Variants in ZNF544 observed in about 807,000 individuals in gnomAD.
ZNF544 encodes the protein zinc finger protein 544, also known as zinc finger protein AF020591.
Under a neutral mutation model 13.5 loss-of-function variants are expected in ZNF544, and 10 were observed. The observed-to-expected ratio is 0.74, with a 90% CI of 0.46 to 1.25. The LOEUF (loss-of-function observed/expected upper bound fraction) is 1.25, where lower values mean the gene tolerates loss of function less well. Ranked by LOEUF, ZNF544 falls within the 50% of genes most tolerant of loss-of-function variation. ZNF544 has a pLI of 0.00. For missense variants in ZNF544, 896 were observed against 845.6 expected, an observed-to-expected ratio of 1.06 and a Z score of -0.74; for synonymous variants, 323 against 300.5, an observed-to-expected ratio of 1.07 and a Z score of -0.77.
Position 58,246,399 on chromosome 19 carries a change from G to A in ZNF544, c.132G>A (p.Leu44=). 1 of 1,614,050 alleles carries A rather than the reference G, an allele frequency of 6.2e-7. No individual in the cohort carries two copies. The highest frequency in any genetic ancestry group is 1.1e-5 in the South Asian group (1 of 91,074). Residue 44 remains leucine, a synonymous_variant, in exon 5 of 7, where the codon CTG becomes CTA. Coordinates refer to ENST00000687789, the MANE Select transcript of ZNF544 (RefSeq NM_014480.4). Reference sequence around the variant, plus strand: ...GGACACTGTACCGAGAGGTGACACTGGAGACCTGGGAGCATATTGTCTCCC... The same window carrying A: ...GGACACTGTACCGAGAGGTGACACTAGAGACCTGGGAGCATATTGTCTCCC... ...AQRTLYREVT[L]ETWEHIVSLG... is the part of the protein sequence containing the mutation.
chr19:58,273,120 G>A (rs2050839924), intron 5 of ZNF544, among the ~76,000 whole-genome samples: 1 of 151,600 alleles, frequency 6.6e-6, no homozygotes, highest in Non-Finnish European at 1.5e-5. Flanking sequence ...GGCGGAGGTT[G>A]CAGTAAGCCA....
Position 58,276,513 on chromosome 19 carries a change from G to C in ZNF544, c.351+84G>C, listed in dbSNP as rs1176032492. 5.6e-6 allele frequency: 5 copies of C among 892,664 alleles called. No individual in the cohort carries two copies. In the Admixed American group the frequency reaches 2.2e-4, roughly 39 times the overall value. 55.3% of individuals were successfully genotyped at this position (892,664 alleles called of 1,614,324 possible). A position where few individuals can be genotyped will look rare whatever the true frequency, so the allele number is the denominator to read the frequency against. ...GATGGAGTCTCACTCTGTCGCCCAG[G>C]CTGGAGTGCAGTGGCGCAATCTCAG... On this transcript the variant is annotated intron_variant, in intron 6 of 6. Coordinates refer to the ZNF544 transcript ENST00000595981.
intron 5 of ZNF544, among the ~76,000 whole-genome samples, chr19:58,271,577 A>G (rs2050643796): frequency 6.6e-6 from 1 of 152,168 alleles, no homozygotes; most frequent in East Asian, 1.9e-4. Flanking sequence ...ACTCCAGCCT[A>G]TGTGACAGTG....
At position 58,250,714 on chromosome 19, in the gene ZNF544, C is replaced by T. The variant is rs141639272; in HGVS notation, c.244+3920C>T. Reference sequence around the variant, plus strand: ...CAAATGGGTTTCTGTGGGATGCAACCCCAGAAAGGGTACTCTGATAGTACT... The same window carrying T: ...CAAATGGGTTTCTGTGGGATGCAACTCCAGAAAGGGTACTCTGATAGTACT... On this transcript the variant is annotated intron_variant, in intron 6 of 6. Coordinates refer to ENST00000687789, the MANE Select transcript of ZNF544 (RefSeq NM_014480.4). Among the ~76,000 whole-genome samples the T allele has an allele frequency of 3.0e-4, 46 of 152,218 alleles. No individual in the cohort carries two copies. The East Asian group carries it at 8.7e-3, about 29-fold the overall frequency.
chr19:58,277,410 G>C, exon 7 of ZNF544: 1 of 444,502 alleles, frequency 2.2e-6, no homozygotes, highest in Non-Finnish European at 3.7e-6. Context: ...TACACCATCA[G>C]CCCCATGGGG....
downstream of ZNF544, among the ~76,000 whole-genome samples, chr19:58,264,401 A>G (rs1050707062): frequency 2.1e-4 from 32 of 149,224 alleles, no homozygotes; most frequent in East Asian, 8.1e-4. Flanking sequence ...AAAAAAAAAA[A>G]AGGACTCTGG....
At chr19:58,249,804 T>C (rs2046000522) in intron 6 of ZNF544, among the ~76,000 whole-genome samples, 1 of 152,224 alleles carries the variant, frequency 6.6e-6, no homozygotes, top group South Asian at 2.1e-4. Flanking sequence ...ATGGTGATGA[T>C]ACTTTGGCCA....
chr19:58,251,199 G>A, intron 6 of ZNF544: 1 of 395,292 alleles, frequency 2.5e-6, no homozygotes. Flanking sequence ...CAATTAAATT[G>A]TAGAAGTATA....
At chr19:58,252,043 A>G (rs2046374380) in intron 6 of ZNF544, among the ~76,000 whole-genome samples, 1 of 152,210 alleles carries the variant, frequency 6.6e-6, no homozygotes, top group Admixed American at 6.5e-5. Flanking sequence ...CTGGTAGGGT[A>G]CACTTCAACC....
At chr19:58,256,874 CTAGGTGA>C (rs2047544790) in intron 6 of ZNF544, among the ~76,000 whole-genome samples, 3 of 152,104 alleles carry the variant, frequency 2.0e-5, no homozygotes, top group African/African-American at 7.2e-5. Context: ...AGAAGCAAGG[CTAGGTGA>C]TTAAAGAGAC....
chr19:58,262,713 C>G lies in ZNF544; in HGVS notation c.2107C>G (p.Leu703Val), dbSNP rs1568505248. 1.2e-6 allele frequency: 2 copies of G among 1,610,206 alleles called. No homozygotes were observed. Among genetic ancestry groups the G allele is most frequent in the Admixed American group, 1.7e-5 (1 of 59,822 alleles). ...CGKSFRQQSQ[L>V]VVHRRTHTGE... ...GAAATCCTTCCGGCAGCAATCTCAA[C>G]TTGTAGTGCATCGGCGGACACATAC... Residue 703 changes from leucine to valine, a missense_variant, in exon 7 of 7, where the codon CTT (leucine) becomes GTT (valine). Coordinates refer to ENST00000687789, the MANE Select transcript of ZNF544 (RefSeq NM_014480.4).
At chr19:58,240,196 C>G (rs1465131624) in intron 3 of ZNF544, among the ~76,000 whole-genome samples, 1 of 152,086 alleles carries the variant, frequency 6.6e-6, no homozygotes, top group Non-Finnish European at 1.5e-5. Flanking sequence ...GACATTTTAA[C>G]AGGCGGGATA....
intron 6 of ZNF544, chr19:58,260,641 C>G (rs565481519): frequency 3.8e-6 from 2 of 519,900 alleles, no homozygotes; most frequent in Admixed American, 7.3e-5. Context: ...TTAGTCACTT[C>G]TTTATTATGT....
At chr19:58,230,181 C>T (rs1162739344) in intron 2 of ZNF544, 1 of 152,292 alleles carries the variant, frequency 6.6e-6, no homozygotes, top group Non-Finnish European at 1.5e-5. Context: ...AAGCAACTCC[C>T]TCCCCAGCCC....
At chr19:58,244,619 A>G (rs1224378197) in intron 4 of ZNF544, among the ~76,000 whole-genome samples, 1 of 152,116 alleles carries the variant, frequency 6.6e-6, no homozygotes, top group Non-Finnish European at 1.5e-5. Context: ...TCTATTGCCC[A>G]GGCTGGAGTG....
At chr19:58,265,323 TCTCA>T, downstream of ZNF544, among the ~76,000 whole-genome samples, 1 of 149,920 alleles carries the variant, frequency 6.7e-6, no homozygotes, top group African/African-American at 2.5e-5. Flanking sequence ...TTTAAGACAG[TCTCA>T]CTCTGTTGCC....
intron 3 of ZNF544, among the ~76,000 whole-genome samples, chr19:58,241,187 T>TAATATATATATATATATATA (rs1425417671): frequency 3.9e-5 from 2 of 50,680 alleles, no homozygotes; most frequent in Non-Finnish European, 4.4e-5. Context: ...ATATTTTTTT[T>TAATATATATATATATATATA]TTTTTGTAGA....
rs1245867398 is a variant in ZNF544, at chr19:58,261,098, T to C, written c.492T>C (p.Gly164=). 1.2e-6 allele frequency: 2 copies of C among 1,614,072 alleles called. No individual in the cohort carries two copies. Among genetic ancestry groups the C allele is most frequent in the Non-Finnish European group, 1.7e-6 (2 of 1,180,024 alleles). ...REHCELELGG[G]YSLPSTLSLL... is the part of the protein sequence containing the mutation. ...ATTGTGAGCTTGAACTTGGGGGAGG[T>C]TATTCTCTACCTTCTACTTTAAGCC... The change falls in exon 7 of 7, where the codon GGT becomes GGC. Residue 164 remains glycine (G), a synonymous_variant. Coordinates refer to ENST00000687789, the MANE Select transcript of ZNF544 (RefSeq NM_014480.4).
chr19:58,247,912 A>C (rs1006879326), intron 6 of ZNF544, among the ~76,000 whole-genome samples: 1 of 151,582 alleles, frequency 6.6e-6, no homozygotes, highest in Non-Finnish European at 1.5e-5. Flanking sequence ...ACCTATCTTG[A>C]GGCATCCTTT....
Sources: gnomAD v4.1 joint callset for allele counts (sites outside exome capture counted in the v4.1 genomes callset) on GRCh38, gnomAD v4.1.1 for gene constraint, MANE v1.5 for transcripts, NCBI Gene and HGNC (gene_info 2026-07-23, HGNC 2026-07-21) for gene names.